Variants in CALCOCO2 observed in about 807,000 individuals in gnomAD.
The protein encoded by CALCOCO2 is calcium-binding and coiled-coil domain-containing protein 2.
A neutral mutation model predicts 62.5 loss-of-function variants in CALCOCO2; 42 were observed. The ratio of observed to expected loss-of-function variants is 0.67; its 90% CI spans 0.53 to 0.87. The LOEUF is 0.87. CALCOCO2 is among the 40% of genes least tolerant of loss of function. CALCOCO2 has a pLI of 0.00. For synonymous variants in CALCOCO2, 167 were observed against 173.0 expected (o/e 0.97, Z 0.27); for missense variants, 456 against 515.0 (o/e 0.89, Z 1.11).
At position 48,862,257 on chromosome 17, in the gene CALCOCO2, TC is replaced by T; in HGVS notation, c.1145-18del. 6.5e-7 allele frequency: 1 copy of T among 1,532,096 alleles called. No homozygotes were observed. The highest frequency in any genetic ancestry group is 9.0e-7 in the Non-Finnish European group (1 of 1,105,378). 94.9% of individuals were successfully genotyped at this position (1,532,096 alleles called of 1,614,324 possible). On this transcript the variant is annotated intron_variant, in intron 11 of 12. Coordinates refer to ENST00000258947, the MANE Select transcript of CALCOCO2 (RefSeq NM_005831.5). ...GATGGTATTTTCTCATTGAATGAGA[TC>T]TTTTTTATTCTTTTCAGGTATCCAA... is the stretch of plus-strand genomic sequence containing the variant.
At chr17:48,858,171 A>G (rs532046773) in intron 10 of CALCOCO2, among the ~76,000 whole-genome samples, 50 of 151,992 alleles carry the variant, frequency 3.3e-4, no homozygotes, top group Admixed American at 7.2e-4. Flanking sequence ...ATCTTGCAAC[A>G]TTAAAACTTC....
chr17:48,832,679 C>T (rs1267373266), intron 1 of CALCOCO2, among the ~76,000 whole-genome samples: 1 of 152,140 alleles, frequency 6.6e-6, no homozygotes, highest in Non-Finnish European at 1.5e-5. Flanking sequence ...TAGCCTAGTC[C>T]CCTTTCCACC....
In CALCOCO2 at chr17:48,856,171, T is replaced by G. The variant is rs749205137; in HGVS notation, c.992T>G (p.Leu331Trp). The change falls in exon 10 of 13, where the codon TTG becomes TGG. Residue 331 changes from leucine to tryptophan, a missense_variant. Leu to Trp is a moderately conservative substitution (Grantham distance 61, BLOSUM62 -2). Transcript: ENST00000258947. ...GCTCTGCAGAGACAGAAAGAGAGAT[T>G]GGAAGGAGAAAATGATGTAAGTGTG... ...CNALQRQKERLEGENDLLKRE... is the reference protein window; with the variant it reads ...CNALQRQKERWEGENDLLKRE... 12 of 1,592,244 alleles carry G rather than the reference T, an allele frequency of 7.5e-6. No individual in the cohort carries two copies. The Admixed American group carries it at 1.8e-4, about 24-fold the overall frequency.
chr17:48,831,600 CGGA>C (rs1263168047), intron 1 of CALCOCO2: 1 of 152,266 alleles, frequency 6.6e-6, no homozygotes. Context: ...CTGCAGCTGT[CGGA>C]GAAGACGTTC....
chr17:48,860,473 C>G, intron 11 of CALCOCO2, 24 bp downstream of exon 11: 1 of 1,610,382 alleles, frequency 6.2e-7, no homozygotes, highest in Non-Finnish European at 8.5e-7. Context: ...CCCATTCCAA[C>G]TGGAAGGACC....
intron 1 of CALCOCO2, among the ~76,000 whole-genome samples, chr17:48,840,750 T>A (rs892320973): frequency 2.6e-5 from 4 of 152,224 alleles, no homozygotes; most frequent in Non-Finnish European, 2.9e-5. Flanking sequence ...GCACTTCTTA[T>A]TCGATTCATT....
chr17:48,859,466 G>C (rs1432111011), intron 10 of CALCOCO2, among the ~76,000 whole-genome samples: 1 of 152,056 alleles, frequency 6.6e-6, no homozygotes, highest in Non-Finnish European at 1.5e-5. Context: ...GCCAGGCACG[G>C]TGTCGTGTGC....
intron 10 of CALCOCO2, chr17:48,856,537 T>C (rs373993724): frequency 6.5e-6 from 3 of 458,740 alleles, no homozygotes; most frequent in Non-Finnish European, 1.3e-5. Context: ...GAACTCCTTT[T>C]CTTCAGCACA....
intron 9 of CALCOCO2, chr17:48,853,226 G>T: frequency 2.0e-6 from 1 of 493,506 alleles, no homozygotes; most frequent in Non-Finnish European, 3.7e-6. Flanking sequence ...AAGGAATATT[G>T]CAAGTTAAAC....
At chr17:48,851,845 T>G in intron 7 of CALCOCO2, 25 of 457,448 alleles carry the variant, frequency 5.5e-5, no homozygotes, top group East Asian at 1.1e-4. Context: ...AAAATCATGA[T>G]TCACAGCCGG....
At chr17:48,847,898 A>C (rs903638615) in intron 2 of CALCOCO2, 166 bp from the exon 3 acceptor site, 1 of 547,104 alleles carries the variant, frequency 1.8e-6, no homozygotes, top group Non-Finnish European at 3.2e-6. Context: ...CAGGCAATCC[A>C]CCCACCTTGG....
At chr17:48,861,189 G>A (rs540352990) in intron 11 of CALCOCO2, among the ~76,000 whole-genome samples, 2 of 152,194 alleles carry the variant, frequency 1.3e-5, no homozygotes, top group African/African-American at 4.8e-5. Flanking sequence ...CTAACGTGGT[G>A]AAACCCTGTC....
intron 10 of CALCOCO2, among the ~76,000 whole-genome samples, chr17:48,859,322 G>GA (rs1191181151): frequency 6.6e-6 from 1 of 152,034 alleles, no homozygotes; most frequent in Non-Finnish European, 1.5e-5. Context: ...GAAAGAAACT[G>GA]AAAAAATATT....
intron 2 of CALCOCO2, among the ~76,000 whole-genome samples, chr17:48,845,740 A>G (rs990242970): frequency 3.4e-4 from 51 of 151,292 alleles, no homozygotes; most frequent in East Asian, 1.5e-3. Flanking sequence ...AAAAAAAAAA[A>G]AAAAGAAAAG....
At chr17:48,834,149 A>G (rs543668607) in intron 1 of CALCOCO2, among the ~76,000 whole-genome samples, 1 of 151,034 alleles carries the variant, frequency 6.6e-6, no homozygotes, top group East Asian at 1.9e-4. Flanking sequence ...CAGAAGTAGA[A>G]CAGGCTGCTG....
intron 11 of CALCOCO2, among the ~76,000 whole-genome samples, chr17:48,861,249 C>G (rs143424566): frequency 6.6e-6 from 1 of 152,018 alleles, no homozygotes; most frequent in African/African-American, 2.4e-5. Flanking sequence ...ACTTGGCTCA[C>G]TGCAACCTCC....
chr17:48,855,887 C>T, intron 9 of CALCOCO2: 2 of 278,152 alleles, frequency 7.2e-6, no homozygotes, highest in Non-Finnish European at 1.3e-5. Flanking sequence ...AAAAAATTGG[C>T]ATCTTGATGC....
At chr17:48,835,937 G>C (rs1026313829) in intron 1 of CALCOCO2, among the ~76,000 whole-genome samples, 5 of 152,012 alleles carry the variant, frequency 3.3e-5, no homozygotes, top group African/African-American at 1.2e-4. Flanking sequence ...TTTTAGTAGA[G>C]ACAGGGTTTC....
intron 11 of CALCOCO2, among the ~76,000 whole-genome samples, chr17:48,861,203 A>G (rs745791839): frequency 6.6e-6 from 1 of 152,058 alleles, no homozygotes; most frequent in Non-Finnish European, 1.5e-5. Flanking sequence ...CCCTGTCTCT[A>G]CTAAAAATAC....
Sources: allele counts gnomAD v4.1 joint callset (sites outside exome capture counted in the v4.1 genomes callset), GRCh38; gene constraint gnomAD v4.1.1; transcripts MANE v1.5; gene names NCBI Gene and HGNC (gene_info 2026-07-23, HGNC 2026-07-21).